The following TBC1D14 variants were observed in gnomAD, a reference collection of about 807,000 sequenced individuals.
The protein encoded by TBC1D14 is TBC1 domain family, member 14.
In TBC1D14, 26 loss-of-function variants were observed where a neutral mutation model predicts 79.0. That is an observed-to-expected ratio of 0.33 (90% CI 0.24 to 0.46). The LOEUF is 0.46. Ranked by LOEUF, TBC1D14 falls within the 20% of genes least tolerant of loss-of-function variation. TBC1D14 has a pLI of 1.00. For synonymous variants in TBC1D14, 394 were observed against 349.9 expected, an observed-to-expected ratio of 1.13 and a Z score of -1.40; for missense variants, 769 against 887.6, an observed-to-expected ratio of 0.87 and a Z score of 1.70.
At chr4:6,953,555 CCA>C (rs1714312011) in intron 2 of TBC1D14, among the ~76,000 whole-genome samples, 1 of 127,000 alleles carries the variant, frequency 7.9e-6, no homozygotes, top group Non-Finnish European at 1.6e-5. Flanking sequence ...GGCGTGAACC[CCA>C]GGGGGCGGAG....
At chr4:7,019,457 G>T (rs16839564) in intron 12 of TBC1D14, among the ~76,000 whole-genome samples, 1 of 152,118 alleles carries the variant, frequency 6.6e-6, no homozygotes, top group African/African-American at 2.4e-5. Context: ...CTTAGGAGCC[G>T]GGAGCATCTT....
At position 6,956,464 on chromosome 4, in the gene TBC1D14, TC is replaced by T. The variant is rs567333553; in HGVS notation, c.723-10836del. ...GAAAACACAGGCTCCCAACACGCCA[TC>T]CCCGCTGATGGCTCCTGCGCACGCG... On this transcript the variant is annotated intron_variant, in intron 2 of 13. Coordinates refer to ENST00000409757, the MANE Select transcript of TBC1D14 (RefSeq NM_020773.3). Among the ~76,000 whole-genome samples, 34 of 152,312 alleles carry T rather than the reference TC, an allele frequency of 2.2e-4. No individual in the cohort carries two copies. The South Asian group carries it at 3.9e-3, about 18-fold the overall frequency.
chr4:7,029,251 C>T (rs182846832), intron 13 of TBC1D14, among the ~76,000 whole-genome samples: 25 of 152,350 alleles, frequency 1.6e-4, no homozygotes, highest in African/African-American at 5.3e-4. Context: ...TTAATTGAAA[C>T]CAAAATGCTT....
chr4:7,000,524 G>A (rs1037907441), intron 6 of TBC1D14, among the ~76,000 whole-genome samples: 9 of 152,246 alleles, frequency 5.9e-5, no homozygotes, highest in East Asian at 3.8e-4. Flanking sequence ...ACGATGCTGC[G>A]TTCAGAGGCA....
Position 6,994,262 on chromosome 4 carries a change from C to T in TBC1D14, c.922C>T (p.Pro308Ser), listed in dbSNP as rs1718789611. ...QNVRKNLDFE[P>S]LSTTALILED... Reference sequence around the variant, plus strand: ...TGTGAGGAAGAATCTTGACTTTGAACCACTTTCCACCACCGCACTCATCCT... The same window carrying T: ...TGTGAGGAAGAATCTTGACTTTGAATCACTTTCCACCACCGCACTCATCCT... The change falls in exon 4 of 14, where the codon CCA becomes TCA. Residue 308 changes from proline to serine, a missense_variant. Physicochemically the swap from Pro to Ser is moderately conservative, Grantham distance 74. Coordinates refer to ENST00000409757, the MANE Select transcript of TBC1D14 (RefSeq NM_020773.3). 6.2e-7 allele frequency: 1 copy of T among 1,614,076 alleles called. No individual in the cohort carries two copies. Among genetic ancestry groups the T allele is most frequent in the Non-Finnish European group, 8.5e-7 (1 of 1,180,036 alleles).
At chr4:7,012,713 A>G (rs993210413) in intron 11 of TBC1D14, among the ~76,000 whole-genome samples, 1 of 152,212 alleles carries the variant, frequency 6.6e-6, no homozygotes, top group Non-Finnish European at 1.5e-5. Flanking sequence ...ATGCCACAGA[A>G]TTACTAGTGT....
chr4:6,928,360 C>A (rs1724450255), intron 2 of TBC1D14, among the ~76,000 whole-genome samples: 1 of 152,154 alleles, frequency 6.6e-6, no homozygotes, highest in African/African-American at 2.4e-5. Flanking sequence ...ACCCTGGCAC[C>A]AAGTGTAATT....
intron 2 of TBC1D14, among the ~76,000 whole-genome samples, chr4:6,963,033 G>A (rs1715370466): frequency 6.6e-6 from 1 of 152,232 alleles, no homozygotes; most frequent in Admixed American, 6.5e-5. Context: ...AAGGCATGTG[G>A]AGAGGAGAGG....
At chr4:6,987,594 TTTC>T (rs1460662315) in intron 3 of TBC1D14, 2 of 397,652 alleles carry the variant, frequency 5.0e-6, no homozygotes, top group Non-Finnish European at 8.9e-6. Context: ...TTCCACGTAT[TTTC>T]TTCTGGTTCA....
At chr4:6,925,049 T>C (rs1724178422) in intron 2 of TBC1D14, among the ~76,000 whole-genome samples, 1 of 151,994 alleles carries the variant, frequency 6.6e-6, no homozygotes. Flanking sequence ...TCTCAACACT[T>C]TGGGAGGCTG....
At chr4:6,961,936 A>C (rs977527583) in intron 2 of TBC1D14, among the ~76,000 whole-genome samples, 2 of 152,188 alleles carry the variant, frequency 1.3e-5, no homozygotes, top group African/African-American at 4.8e-5. Context: ...TCTGTTGTTC[A>C]GTGTCTGAAT....
At chr4:6,988,011 C>G (rs1718058275) in intron 3 of TBC1D14, among the ~76,000 whole-genome samples, 1 of 152,358 alleles carries the variant, frequency 6.6e-6, no homozygotes, top group South Asian at 2.1e-4. Flanking sequence ...AGGAACCACT[C>G]AGATGTTCTC....
intron 3 of TBC1D14, among the ~76,000 whole-genome samples, chr4:6,979,627 C>A (rs558466685): frequency 6.6e-4 from 100 of 152,036 alleles, no homozygotes; most frequent in Non-Finnish European, 1.1e-3. Flanking sequence ...TCAAAAAAAA[C>A]ACAAAACCAT....
chr4:6,967,190 A>G, intron 2 of TBC1D14, 114 bp from the exon 3 acceptor site: 3 of 1,325,092 alleles, frequency 2.3e-6, no homozygotes, highest in Non-Finnish European at 3.1e-6. Flanking sequence ...CTGAAGAATT[A>G]AAGTACGTGG....
intron 1 of TBC1D14, 30 bp downstream of exon 1, chr4:6,909,981 C>T (rs1722835957): frequency 6.8e-6 from 1 of 147,438 alleles, no homozygotes; most frequent in Admixed American, 6.7e-5. Context: ...AGGGCCGGGC[C>T]GCGGGCCGCG....
intron 3 of TBC1D14, among the ~76,000 whole-genome samples, chr4:6,974,975 G>A (rs1447029794): frequency 6.7e-6 from 1 of 150,306 alleles, no homozygotes; most frequent in Non-Finnish European, 1.5e-5. Context: ...GCAGTGGTGT[G>A]ATCTCAGCTC....
chr4:6,923,539 G>T lies in TBC1D14; in HGVS notation c.150G>T (p.Leu50=). The T allele has an allele frequency of 1.2e-6, 2 of 1,614,166 alleles. No individual in the cohort carries two copies. The highest frequency in any genetic ancestry group is 2.7e-5 in the African/African-American group (2 of 75,058). ...CCGCGCCTGAGTACGGGCCCAAGCT[G>T]AAACTCAGGGCTTTAGAAGACCGGC... ...LLSAPEYGPK[L]KLRALEDRHS... The change falls in exon 2 of 14, where the codon CTG becomes CTT. Residue 50 remains leucine (L), a synonymous_variant. Coordinates refer to ENST00000409757, the MANE Select transcript of TBC1D14 (RefSeq NM_020773.3).
At position 6,980,268 on chromosome 4, in the gene TBC1D14, C is replaced by A. The variant is rs527296806; in HGVS notation, c.843+12844C>A. Among the ~76,000 whole-genome samples the A allele has an allele frequency of 8.5e-5, 13 of 152,296 alleles. No individual in the cohort carries two copies. In the East Asian group the frequency reaches 2.5e-3, roughly 29 times the overall value. On this transcript the variant is annotated intron_variant, in intron 3 of 13. Coordinates refer to ENST00000409757, the MANE Select transcript of TBC1D14 (RefSeq NM_020773.3). ...AAAAATAATTGCCTCCCCAAACTTG[C>A]ACATTAAACAAGTAGCATACTTCTA...
intron 1 of TBC1D14, among the ~76,000 whole-genome samples, chr4:6,910,800 G>A (rs760386773): frequency 6.6e-6 from 1 of 152,186 alleles, no homozygotes; most frequent in Non-Finnish European, 1.5e-5. Context: ...ATAGGACGCC[G>A]TTTTCTCTAG....
Sources: gnomAD v4.1 joint callset for allele counts (sites outside exome capture counted in the v4.1 genomes callset) on GRCh38, gnomAD v4.1.1 for gene constraint, MANE v1.5 for transcripts, NCBI Gene and HGNC (gene_info 2026-07-23, HGNC 2026-07-21) for gene names.